Variants in FAM178B observed in about 807,000 individuals in gnomAD.
FAM178B encodes the protein protein FAM178B.
In FAM178B, 82 loss-of-function variants were observed where a neutral mutation model predicts 91.7. The observed-to-expected ratio is 0.89, with a 90% CI of 0.75 to 1.07. The LOEUF is 1.07. Among genes scored for constraint, FAM178B ranks in the 50% least tolerant of loss-of-function variants. The pLI is 0.00. For missense variants in FAM178B, 769 were observed against 846.7 expected, an observed-to-expected ratio of 0.91 and a Z score of 1.14; for synonymous variants, 368 against 359.4, an observed-to-expected ratio of 1.02 and a Z score of -0.27.
At chr2:96,889,729 A>G (rs1327122844) in intron 14 of FAM178B, among the ~76,000 whole-genome samples, 2 of 145,720 alleles carry the variant, frequency 1.4e-5, no homozygotes, top group Non-Finnish European at 3.1e-5. Context: ...AATACAAAAA[A>G]AAATAGAGCA....
At chr2:96,883,192 C>T (rs180821011) in intron 14 of FAM178B, among the ~76,000 whole-genome samples, 30 of 152,322 alleles carry the variant, frequency 2.0e-4, no homozygotes, top group African/African-American at 7.0e-4. Flanking sequence ...TGTTCTGGTC[C>T]AGCTAGTTCT....
rs1326872220 is a variant in FAM178B at position 96,913,308 on chromosome 2, G to A, written c.1562+7857C>T. 5.3e-5 allele frequency among the ~76,000 whole-genome samples: 8 copies of A among 152,158 alleles called. No individual in the cohort carries two copies. The East Asian group carries it at 5.8e-4, about 11-fold the overall frequency. On this transcript the variant is annotated intron_variant, in intron 12 of 16. Coordinates refer to ENST00000490605, the MANE Select transcript of FAM178B (RefSeq NM_001122646.3). ...CTGGCCAGGAACTCGCTGTGGCTCC[G>A]GGCAGCCTGAAGGGGTCAAGAGCCA...
intron 4 of FAM178B, 138 bp downstream of exon 4, chr2:96,970,578 T>C: frequency 3.2e-6 from 2 of 633,044 alleles, no homozygotes; most frequent in Non-Finnish European, 5.5e-6. Flanking sequence ...ACCTGCCTGT[T>C]ACTGATCAGA....
intron 8 of FAM178B, among the ~76,000 whole-genome samples, chr2:96,933,137 G>A (rs548025170): frequency 2.2e-4 from 34 of 152,038 alleles, no homozygotes; most frequent in Non-Finnish European, 4.4e-4. Context: ...CAGCTACTTG[G>A]GAGGCTGAGG....
chr2:96,951,383 A>G lies in FAM178B; in HGVS notation c.989T>C (p.Phe330Ser). Residue 330 changes from phenylalanine (F) to serine (S), a missense_variant, in exon 7 of 17, where the codon TTC becomes TCC. Transcript: ENST00000490605. Reference protein sequence around the residue: ...DCPVSLLQWLFQLLTWPPETS... With the variant: ...DCPVSLLQWLSQLLTWPPETS... Reference sequence around the variant, plus strand: ...TGGCAGGCCTGCGGTCCTCACCTGGAACAGCCACTGGAGCAGGGATACCGG... The same window carrying G: ...TGGCAGGCCTGCGGTCCTCACCTGGGACAGCCACTGGAGCAGGGATACCGG... 4 of 1,550,168 alleles carry G rather than the reference A, an allele frequency of 2.6e-6. No individual in the cohort carries two copies. The highest frequency in any genetic ancestry group is 3.5e-6 in the Non-Finnish European group (4 of 1,145,948).
Position 96,971,953 on chromosome 2 carries a change from T to C in FAM178B, c.512A>G (p.Glu171Gly), listed in dbSNP as rs768612873. The C allele has an allele frequency of 6.5e-7, 1 of 1,549,860 alleles. No individual in the cohort carries two copies. The highest frequency in any genetic ancestry group is 2.4e-5 in the East Asian group (1 of 41,994). ...GCCTGACGTGTTCCAGAACAGCTTC[T>C]CTGGCAAGGCCAGGCCCCTCTTCGG... ...LDPKRGLALP[E>G]KLFWNTSGLS... The change falls in exon 3 of 17, where the codon GAG becomes GGG. Residue 171 changes from glutamate to glycine, a missense_variant. By Grantham distance (98) the Glu-to-Gly change is moderately conservative. Transcript: ENST00000490605.
rs2080232679 is a variant in FAM178B, at chr2:96,876,035, A to G, written c.*241T>C. ...GAGGAGATGGCTGGGAGGAGGGCTG[A>G]GGGGTGGGCGAGGCAGAGAGGCCCA... On this transcript the variant is annotated 3_prime_UTR_variant, in exon 17 of 17. Coordinates refer to ENST00000490605, the MANE Select transcript of FAM178B (RefSeq NM_001122646.3). 5.6e-6 allele frequency: 3 copies of G among 534,536 alleles called. No individual in the cohort carries two copies. The highest frequency in any genetic ancestry group is 6.6e-6 in the Non-Finnish European group (2 of 304,934). The allele number at this position is 534,536 out of a possible 1,614,324, so 33.1% of individuals were successfully genotyped here.
At chr2:96,977,567 T>C (rs1162896084) in intron 1 of FAM178B, among the ~76,000 whole-genome samples, 2 of 151,276 alleles carry the variant, frequency 1.3e-5, no homozygotes, top group Admixed American at 6.6e-5. Flanking sequence ...AAGAAAACTC[T>C]ACCAACTAAA....
In FAM178B at chr2:96,952,417, C is replaced by T. The variant is rs147094149; in HGVS notation, c.888-933G>A. Among the ~76,000 whole-genome samples the T allele has an allele frequency of 3.8e-4, 58 of 152,268 alleles. 2 individuals are homozygous for T. In the East Asian group the frequency reaches 0.011, roughly 28 times the overall value. On this transcript the variant is annotated intron_variant, in intron 6 of 16. Coordinates refer to ENST00000490605, the MANE Select transcript of FAM178B (RefSeq NM_001122646.3). ...GATGGGGGCGTGCTCAGACCAGCCA[C>T]GCGGCTGTGGCTGTGACCGTGTGCC...
intron 6 of FAM178B, among the ~76,000 whole-genome samples, chr2:96,957,035 C>A (rs6756756): frequency 0.012 from 1,860 of 149,784 alleles, 45 homozygotes; most frequent in African/African-American, 0.044. Context: ...TTTTTTTTTG[C>A]ATTTTTTTGG....
chr2:96,901,151 G>A (rs986185113), intron 13 of FAM178B, among the ~76,000 whole-genome samples: 1 of 151,680 alleles, frequency 6.6e-6, no homozygotes, highest in Non-Finnish European at 1.5e-5. Context: ...AAGAGGAACA[G>A]GACAGGAAGG....
Position 96,879,672 on chromosome 2 carries a change from C to CG in FAM178B, c.1777-1180dup, listed in dbSNP as rs1195363363. ...TCTCCCACACAACGGCTAAGGCCCA[C>CG]GGGTGGTCTGACTCCACAGGCTGAC... On this transcript the variant is annotated intron_variant, in intron 14 of 16. Coordinates refer to ENST00000490605, the MANE Select transcript of FAM178B (RefSeq NM_001122646.3). 3.3e-5 allele frequency among the ~76,000 whole-genome samples: 5 copies of CG among 152,378 alleles called. No homozygotes were observed. In the South Asian group the frequency reaches 1.0e-3, roughly 32 times the overall value.
At chr2:96,947,454 C>A (rs2081848706) in intron 8 of FAM178B, among the ~76,000 whole-genome samples, 1 of 152,162 alleles carries the variant, frequency 6.6e-6, no homozygotes, top group Admixed American at 6.5e-5. Flanking sequence ...ATTCCTGGAA[C>A]CCTCTCAAGC....
intron 1 of FAM178B, chr2:96,978,078 C>T: frequency 2.7e-6 from 1 of 369,202 alleles, no homozygotes; most frequent in South Asian, 2.0e-5. Flanking sequence ...GCGTCTTCTC[C>T]ACACTGATGA....
At chr2:96,981,963 G>A (rs1455265798) in intron 1 of FAM178B, among the ~76,000 whole-genome samples, 1 of 151,860 alleles carries the variant, frequency 6.6e-6, no homozygotes, top group African/African-American at 2.4e-5. Context: ...AGCTACTTGG[G>A]AGGCTGAGTG....
rs537826534 is a variant in FAM178B at position 96,877,563 on chromosome 2, C to G, written c.2007+327G>C. Among the ~76,000 whole-genome samples, 331 of 152,326 alleles carry G rather than the reference C, an allele frequency of 2.2e-3. 2 individuals carry two copies. Among genetic ancestry groups the G allele is most frequent in the African/African-American group, 7.7e-3 (320 of 41,576 alleles). On this transcript the variant is annotated intron_variant, in intron 16 of 16. Transcript: ENST00000490605. The stretch of plus-strand genomic sequence containing the variant: ...GATTACAGGCGCACACCACCGCGCC[C>G]GGCTAATTTTTTTAATCTTTGGTAG...
At chr2:96,958,867 T>C (rs1559097248) in intron 6 of FAM178B, among the ~76,000 whole-genome samples, 1 of 151,896 alleles carries the variant, frequency 6.6e-6, no homozygotes, top group African/African-American at 2.4e-5. Context: ...CTGAAGTATT[T>C]GTAGATTAAA....
At chr2:96,913,577 T>A (rs899549554) in intron 12 of FAM178B, among the ~76,000 whole-genome samples, 2 of 152,148 alleles carry the variant, frequency 1.3e-5, no homozygotes, top group African/African-American at 4.8e-5. Flanking sequence ...CCAGCTCTTA[T>A]CCCCAGTGCG....
intron 14 of FAM178B, among the ~76,000 whole-genome samples, chr2:96,890,975 C>G (rs2080664322): frequency 2.6e-5 from 4 of 152,216 alleles, no homozygotes; most frequent in Admixed American, 2.6e-4. Flanking sequence ...AGCGGCTCAG[C>G]TTTGTTTTCT....
Sources: gnomAD v4.1 joint callset for allele counts (sites outside exome capture counted in the v4.1 genomes callset) on GRCh38, gnomAD v4.1.1 for gene constraint, MANE v1.5 for transcripts, NCBI Gene and HGNC (gene_info 2026-07-23, HGNC 2026-07-21) for gene names.